TSG101: variants seen among roughly 807,000 people sequenced by gnomAD.
TSG101 encodes tumor susceptibility 101, also known as tumor susceptibility gene 101 protein.
Under a neutral mutation model 48.5 loss-of-function variants are expected in TSG101, and 19 were observed. The ratio of observed to expected loss-of-function variants is 0.39; its 90% confidence interval spans 0.27 to 0.58. The LOEUF is 0.58. TSG101 is among the 20% of genes least tolerant of loss of function. The pLI is 0.55. For missense variants in TSG101, 365 were observed against 484.4 expected (o/e 0.75, Z 2.31); for synonymous variants, 174 against 169.4 (o/e 1.03, Z -0.21).
Position 18,509,523 on chromosome 11 carries a change from A to G in TSG101, c.481+19T>C. On this transcript the variant is annotated intron_variant, in intron 5 of 9. Transcript: ENST00000251968. ...TTTTGTTTATATGAGTTTTAAAGTA[A>G]AATCTCAATTCTACTTACTATTTGG... 6.2e-7 allele frequency: 1 copy of G among 1,606,400 alleles called. No individual in the cohort carries two copies. Among genetic ancestry groups the G allele is most frequent in the East Asian group, 2.2e-5 (1 of 44,844 alleles).
At chr11:18,518,277 G>A (rs921793058) in intron 2 of TSG101, among the ~76,000 whole-genome samples, 1 of 152,136 alleles carries the variant, frequency 6.6e-6, no homozygotes, top group African/African-American at 2.4e-5. Context: ...AGAACTGATT[G>A]CCCCTCTGTT....
chr11:18,502,452 A>G, intron 7 of TSG101, 34 bp downstream of exon 7: 2 of 1,565,684 alleles, frequency 1.3e-6, no homozygotes, highest in Non-Finnish European at 1.8e-6. Context: ...GACTTTGCTT[A>G]TATGGTGAAA....
intron 4 of TSG101, chr11:18,511,506 G>C (rs1331871778): frequency 6.6e-6 from 1 of 152,118 alleles, no homozygotes; most frequent in East Asian, 1.9e-4. Flanking sequence ...CAGTATCTGT[G>C]CAACACTCAC....
At chr11:18,487,766 G>A (rs146957725) in intron 7 of TSG101, among the ~76,000 whole-genome samples, 1,770 of 152,276 alleles carry the variant, frequency 0.012, 34 homozygotes, top group Non-Finnish European at 0.011. Flanking sequence ...AGGAGTGGTG[G>A]CCCAGCTCAT....
chr11:18,494,739 G>T (rs768123462), intron 7 of TSG101, among the ~76,000 whole-genome samples: 1 of 152,174 alleles, frequency 6.6e-6, no homozygotes, highest in African/African-American at 2.4e-5. Context: ...CTGCACACAA[G>T]CAAGCGTGCA....
chr11:18,491,787 G>T (rs1333861134), intron 7 of TSG101, among the ~76,000 whole-genome samples: 1 of 152,128 alleles, frequency 6.6e-6, no homozygotes, highest in African/African-American at 2.4e-5. Flanking sequence ...ACCTAATCAA[G>T]AACTTGCTCT....
chr11:18,498,481 A>C (rs552145390), intron 7 of TSG101, among the ~76,000 whole-genome samples: 2 of 152,302 alleles, frequency 1.3e-5, no homozygotes, highest in Non-Finnish European at 2.9e-5. Flanking sequence ...GATTCTAGAT[A>C]TATTTTGAAG....
At chr11:18,481,582 C>G (rs753854040) in intron 9 of TSG101, 48 bp downstream of exon 9, 5 of 1,588,082 alleles carry the variant, frequency 3.1e-6, no homozygotes, top group Non-Finnish European at 4.3e-6. Context: ...AGGTCAGTGC[C>G]TCTACAACCC....
At chr11:18,509,704 G>C in intron 4 of TSG101, 39 bp from the exon 5 acceptor site, 1 of 1,530,692 alleles carries the variant, frequency 6.5e-7, no homozygotes, top group South Asian at 1.3e-5. Flanking sequence ...CTACAGAGTT[G>C]CTTTTCAGTA....
intron 1 of TSG101, among the ~76,000 whole-genome samples, chr11:18,521,871 T>C (rs768993969): frequency 1.8e-4 from 28 of 151,998 alleles, no homozygotes; most frequent in Non-Finnish European, 3.5e-4. Flanking sequence ...TAGAGCTGGA[T>C]TTTAGCATGT....
intron 2 of TSG101, among the ~76,000 whole-genome samples, chr11:18,516,739 T>C (rs1161683232): frequency 4.0e-5 from 6 of 151,720 alleles, no homozygotes; most frequent in African/African-American, 7.2e-5. Flanking sequence ...GTCAGGAGTT[T>C]GAGACTAGCC....
At chr11:18,524,704 C>T (rs1488573603) in intron 1 of TSG101, among the ~76,000 whole-genome samples, 2 of 152,148 alleles carry the variant, frequency 1.3e-5, no homozygotes, top group African/African-American at 4.8e-5. Flanking sequence ...TCTTCCCTAC[C>T]TCTGTTTTTG....
chr11:18,500,259 G>A (rs1323702878), intron 7 of TSG101, among the ~76,000 whole-genome samples: 3 of 152,046 alleles, frequency 2.0e-5, no homozygotes, highest in African/African-American at 7.2e-5. Flanking sequence ...CCATATCTTA[G>A]CTAGTATGAA....
At chr11:18,517,585 G>T (rs1212704688) in intron 2 of TSG101, among the ~76,000 whole-genome samples, 2 of 152,312 alleles carry the variant, frequency 1.3e-5, no homozygotes, top group East Asian at 3.9e-4. Context: ...TATTTTTACT[G>T]TAACTTTTCT....
intron 7 of TSG101, among the ~76,000 whole-genome samples, chr11:18,487,010 T>C (rs1478011934): frequency 6.7e-6 from 1 of 149,718 alleles, no homozygotes; most frequent in East Asian, 2.0e-4. Flanking sequence ...CAGCAAACTA[T>C]CACAAGGACA....
At position 18,502,459 on chromosome 11, in the gene TSG101, G is replaced by A. The variant is rs369079090; in HGVS notation, c.640+27C>T. On this transcript the variant is annotated intron_variant, in intron 7 of 9. Transcript: ENST00000251968. ...GGGAGTTAGACTTTGCTTATATGGT[G>A]AAACACAAGTTTTCAAGGGTACTTA... 15 of 1,589,766 alleles carry A rather than the reference G, an allele frequency of 9.4e-6. No homozygotes were observed. In the African/African-American group the frequency reaches 1.7e-4, roughly 19 times the overall value.
chr11:18,521,941 G>C (rs1850285176), intron 1 of TSG101, among the ~76,000 whole-genome samples: 1 of 152,136 alleles, frequency 6.6e-6, no homozygotes, highest in South Asian at 2.1e-4. Context: ...GCCTCCCACA[G>C]TGTTGGGATT....
At chr11:18,506,203 G>A (rs1849969457) in intron 6 of TSG101, among the ~76,000 whole-genome samples, 2 of 151,814 alleles carry the variant, frequency 1.3e-5, no homozygotes, top group African/African-American at 4.8e-5. Flanking sequence ...AGCAGCTCCT[G>A]GGCTGCATTT....
At chr11:18,492,960 A>C (rs1264248568) in intron 7 of TSG101, among the ~76,000 whole-genome samples, 1 of 152,248 alleles carries the variant, frequency 6.6e-6, no homozygotes, top group Non-Finnish European at 1.5e-5. Context: ...CTTTGTGAAC[A>C]CTTACCAAAC....
Sources: allele counts gnomAD v4.1 joint callset (sites outside exome capture counted in the v4.1 genomes callset), GRCh38; gene constraint gnomAD v4.1.1; transcripts MANE v1.5; gene names NCBI Gene and HGNC (gene_info 2026-07-23, HGNC 2026-07-21).